MS4A10: variants seen among roughly 807,000 people sequenced by gnomAD.
MS4A10 encodes membrane spanning 4-domains A10.
In MS4A10, 27 loss-of-function variants were observed where a neutral mutation model predicts 27.7. The ratio of observed to expected loss-of-function variants is 0.98; its 90% CI spans 0.72 to 1.35. MS4A10 has a LOEUF of 1.35. Among genes scored for constraint, MS4A10 ranks in the 40% most tolerant of loss-of-function variants. The pLI, the probability that MS4A10 is intolerant of heterozygous loss-of-function variation, is 0.00. For missense variants in MS4A10, 338 were observed against 324.7 expected (o/e 1.04, Z -0.32); for synonymous variants, 139 against 131.2 (o/e 1.06, Z -0.41).
chr11:60,799,833 G>T lies in MS4A10; in HGVS notation c.728G>T (p.Arg243Ile). 1 of 1,429,128 alleles carries T rather than the reference G, an allele frequency of 7.0e-7. No homozygotes were observed. Among genetic ancestry groups the T allele is most frequent in the Non-Finnish European group, 9.8e-7 (1 of 1,015,386 alleles). 88.5% of individuals were successfully genotyped at this position (1,429,128 alleles called of 1,614,324 possible). ...DAQHKQHQRL[R>I]EVKQVAPDTW... ...AATATCTCCATTTCATGCAGGCTCA[G>T]AGAAGTTAAGCAAGTTGCCCCGGAC... The change falls in exon 8 of 8, where the codon AGA (arginine) becomes ATA (isoleucine). Residue 243 changes from arginine (R) to isoleucine (I), a missense_variant. Coordinates refer to ENST00000308287, the MANE Select transcript of MS4A10 (RefSeq NM_206893.4).
chr11:60,790,476 C>A lies in MS4A10; in HGVS notation c.141C>A (p.His47Gln). The A allele has an allele frequency of 6.2e-7, 1 of 1,614,156 alleles. No homozygotes were observed. The highest frequency in any genetic ancestry group is 1.1e-5 in the South Asian group (1 of 91,074). The stretch of plus-strand genomic sequence containing the variant: ...CCAAGCTCCTGGCTCCACACCAGCA[C>A]GAGAAGTCCCAGAAGAAGAGCAGCC... Reference protein sequence around the residue: ...TQPKLLAPHQHEKSQKKSSLL... With the variant: ...TQPKLLAPHQQEKSQKKSSLL... Residue 47 changes from histidine (H) to glutamine (Q), a missense_variant, in exon 2 of 8, where the codon CAC becomes CAA. Transcript: ENST00000308287.
chr11:60,793,700 C>T (rs1264457360), intron 4 of MS4A10, among the ~76,000 whole-genome samples: 1 of 152,200 alleles, frequency 6.6e-6, no homozygotes, highest in Non-Finnish European at 1.5e-5. Context: ...TTGCAAAGCT[C>T]TTGGATCTGA....
chr11:60,800,115 TG>T lies in MS4A10; in HGVS notation c.*208del. 1 of 683,722 alleles carries T rather than the reference TG, an allele frequency of 1.5e-6. No homozygotes were observed. The allele number at this position is 683,722 out of a possible 1,614,324, so 42.4% of individuals were successfully genotyped here. ...ATAGTTGATGGCTCGATATCTGTGG[TG>T]GCCCAGATTGTTTTGTTTTGTTTCG... On this transcript the variant is annotated 3_prime_UTR_variant, in exon 8 of 8. Coordinates refer to ENST00000308287, the MANE Select transcript of MS4A10 (RefSeq NM_206893.4).
Position 60,799,829 on chromosome 11 carries a change from C to A in MS4A10, c.724C>A (p.Leu242Ile), listed in dbSNP as rs747813555. The change falls in exon 8 of 8, where the codon CTC becomes ATC. Residue 242 changes from leucine (L) to isoleucine (I), a missense_variant and splice_region_variant. Coordinates refer to ENST00000308287, the MANE Select transcript of MS4A10 (RefSeq NM_206893.4). ...GDAQHKQHQR[L>I]REVKQVAPDT... is the part of the protein sequence containing the mutation. ...TATTAATATCTCCATTTCATGCAGG[C>A]TCAGAGAAGTTAAGCAAGTTGCCCC... The A allele has an allele frequency of 2.9e-6, 4 of 1,372,046 alleles. No homozygotes were observed. Among genetic ancestry groups the A allele is most frequent in the South Asian group, 2.4e-5 (2 of 83,966 alleles). The allele number at this position is 1,372,046 out of a possible 1,614,324, so 85.0% of individuals were successfully genotyped here.
intron 7 of MS4A10, 146 bp from the exon 8 acceptor site, chr11:60,799,682 C>T (rs1382976147): frequency 1.6e-6 from 1 of 629,476 alleles, no homozygotes; most frequent in Non-Finnish European, 2.9e-6. Flanking sequence ...TCTCTTCCCC[C>T]AGGTATTTGC....
chr11:60,795,426 C>G lies in MS4A10; in HGVS notation c.493-129C>G, dbSNP rs540228506. 6.9e-5 allele frequency: 35 copies of G among 504,374 alleles called. 1 individual carries two copies. The Middle Eastern group carries it at 1.6e-3, about 23-fold the overall frequency. The allele number at this position is 504,374 out of a possible 1,614,324, so 31.2% of individuals were successfully genotyped here. A position where few individuals can be genotyped will look rare whatever the true frequency, so the allele number is the denominator to read the frequency against. ...CCCACCCTGCCTTCCCCACGCACACCTGGGAGCTGAAACCCCACCTGCCCT... is the reference window on the plus strand; with the variant it reads ...CCCACCCTGCCTTCCCCACGCACACGTGGGAGCTGAAACCCCACCTGCCCT... On this transcript the variant is annotated intron_variant, in intron 5 of 7. Coordinates refer to ENST00000308287, the MANE Select transcript of MS4A10 (RefSeq NM_206893.4).
In MS4A10 at chr11:60,800,129, T is replaced by C. The variant is rs184715534; in HGVS notation, c.*220T>C. 2 of 622,974 alleles carry C rather than the reference T, an allele frequency of 3.2e-6. No individual in the cohort carries two copies. The highest frequency in any genetic ancestry group is 3.1e-5 in the Admixed American group (1 of 32,530). 38.6% of individuals were successfully genotyped at this position (622,974 alleles called of 1,614,324 possible). On this transcript the variant is annotated 3_prime_UTR_variant, in exon 8 of 8. Transcript: ENST00000308287. ...GATATCTGTGGTGGCCCAGATTGTT[T>C]TGTTTTGTTTCGCTTTGTTTTGTTT... is the stretch of plus-strand genomic sequence containing the variant.
intron 1 of MS4A10, among the ~76,000 whole-genome samples, 156 bp from the exon 2 acceptor site, chr11:60,790,158 A>T (rs1854404255): frequency 6.6e-6 from 1 of 152,206 alleles, no homozygotes; most frequent in Non-Finnish European, 1.5e-5. Flanking sequence ...AGATTATTCC[A>T]GGTCAAATCA....
At chr11:60,798,342 C>A in intron 6 of MS4A10, 54 bp from the exon 7 acceptor site, 1 of 1,334,034 alleles carries the variant, frequency 7.5e-7, no homozygotes, top group Non-Finnish European at 1.1e-6. Flanking sequence ...GTTTCGGAAG[C>A]AGCCAGTCGC....
chr11:60,786,607 C>CT (rs1225116410), intron 1 of MS4A10, among the ~76,000 whole-genome samples: 2 of 149,668 alleles, frequency 1.3e-5, no homozygotes, highest in East Asian at 2.0e-4. Context: ...GAGCCTCGCT[C>CT]TCACAGCCCT....
chr11:60,795,984 G>T (rs958651700), intron 6 of MS4A10, among the ~76,000 whole-genome samples: 2 of 152,150 alleles, frequency 1.3e-5, no homozygotes, highest in Non-Finnish European at 2.9e-5. Flanking sequence ...TGATGACCGG[G>T]CAGGATTCGG....
Position 60,799,930 on chromosome 11 carries a change from CCCAAACTTGGTTGG to C in MS4A10, c.*22_*35del. 6.2e-7 allele frequency: 1 copy of C among 1,614,156 alleles called. No individual in the cohort carries two copies. Among genetic ancestry groups the C allele is most frequent in the South Asian group, 1.1e-5 (1 of 91,074 alleles). On this transcript the variant is annotated 3_prime_UTR_variant, in exon 8 of 8. Coordinates refer to ENST00000308287, the MANE Select transcript of MS4A10 (RefSeq NM_206893.4). ...ACTGAAGAGCCACTGCCTGACAATG[CCCAAACTTGGTTGG>C]AGCATAGCCCCTGCTCTCCCAAAGT...
intron 7 of MS4A10, among the ~76,000 whole-genome samples, chr11:60,799,492 A>C (rs1394765788): frequency 6.6e-6 from 1 of 152,186 alleles, no homozygotes; most frequent in African/African-American, 2.4e-5. Context: ...AGCAAACCCC[A>C]AAAATAACAA....
chr11:60,791,118 C>G, intron 3 of MS4A10, 25 bp downstream of exon 3: 1 of 1,612,474 alleles, frequency 6.2e-7, no homozygotes, highest in South Asian at 1.1e-5. Context: ...AAACACAGAC[C>G]GGGTGTGGGA....
chr11:60,796,782 G>A (rs941490937), intron 6 of MS4A10, among the ~76,000 whole-genome samples: 2 of 151,916 alleles, frequency 1.3e-5, no homozygotes, highest in Admixed American at 1.3e-4. Context: ...AAAATAGAAG[G>A]CAAGTCTCTG....
In MS4A10 at chr11:60,800,040, GC is replaced by G; in HGVS notation, c.*134del. ...AGCGATGGTCTATACAGCAAAGTCA[GC>G]CCTCACAGCTCCTGGGAACGCTGTC... On this transcript the variant is annotated 3_prime_UTR_variant, in exon 8 of 8. Coordinates refer to ENST00000308287, the MANE Select transcript of MS4A10 (RefSeq NM_206893.4). The G allele has an allele frequency of 7.5e-7, 1 of 1,338,120 alleles. No individual in the cohort carries two copies. The highest frequency in any genetic ancestry group is 1.4e-5 in the South Asian group (1 of 69,030). 82.9% of individuals were successfully genotyped at this position (1,338,120 alleles called of 1,614,324 possible). A position where few individuals can be genotyped will look rare whatever the true frequency, so the allele number is the denominator to read the frequency against.
intron 6 of MS4A10, 26 bp from the exon 7 acceptor site, chr11:60,798,370 C>T: frequency 6.4e-7 from 1 of 1,554,340 alleles, no homozygotes; most frequent in Non-Finnish European, 8.9e-7. Flanking sequence ...CTGTGAGCAG[C>T]AGGGGCGGCG....
At chr11:60,785,898 C>T (rs1854327032) in intron 1 of MS4A10, among the ~76,000 whole-genome samples, 1 of 152,068 alleles carries the variant, frequency 6.6e-6, no homozygotes, top group Admixed American at 6.5e-5. Flanking sequence ...TGACTCCCTC[C>T]TTGGACGGAG....
Position 60,795,662 on chromosome 11 carries a change from A to G in MS4A10, c.600A>G (p.Ala200=). 6.4e-7 allele frequency: 1 copy of G among 1,573,438 alleles called. No individual in the cohort carries two copies. Among genetic ancestry groups the G allele is most frequent in the South Asian group, 1.2e-5 (1 of 84,506 alleles). The part of the protein sequence containing the change: ...VTAWRGDCPS[A]KNDDACLVPN... ...CCTGGAGAGGGGACTGCCCATCTGCAAAGGTAAGACAAGGGCTTGTCTTCC... is the reference window on the plus strand; with the variant it reads ...CCTGGAGAGGGGACTGCCCATCTGCGAAGGTAAGACAAGGGCTTGTCTTCC... The change falls in exon 6 of 8, where the codon GCA becomes GCG. Residue 200 remains alanine, a synonymous_variant. Coordinates refer to ENST00000308287, the MANE Select transcript of MS4A10 (RefSeq NM_206893.4).
Sources: allele counts gnomAD v4.1 joint callset (sites outside exome capture counted in the v4.1 genomes callset), GRCh38; gene constraint gnomAD v4.1.1; transcripts MANE v1.5; gene names NCBI Gene and HGNC (gene_info 2026-07-23, HGNC 2026-07-21).